CADM1: variants seen among roughly 807,000 people sequenced by gnomAD.
CADM1 encodes the protein TSLC-1.
A neutral mutation model predicts 53.1 loss-of-function variants in CADM1; 15 were observed. The ratio of observed to expected loss-of-function variants is 0.28; its 90% CI spans 0.19 to 0.44. The LOEUF (loss-of-function observed/expected upper bound fraction) is 0.44. CADM1 is among the 20% of genes least tolerant of loss of function. The pLI is 1.00. For synonymous variants in CADM1, 281 were observed against 243.0 expected (o/e 1.16, Z -1.45); for missense variants, 434 against 611.3 (o/e 0.71, Z 3.06).
intron 1 of CADM1, among the ~76,000 whole-genome samples, chr11:115,370,353 C>A (rs528673390): frequency 2.0e-5 from 3 of 152,108 alleles, no homozygotes; most frequent in Non-Finnish European, 4.4e-5. Flanking sequence ...TGTTTGTATC[C>A]GCCCAAAATT....
chr11:115,340,645 TATATATATATATA>T (rs376328490), intron 1 of CADM1, among the ~76,000 whole-genome samples: 14 of 35,050 alleles, frequency 4.0e-4, no homozygotes, highest in African/African-American at 9.8e-4. Flanking sequence ...TATATATATA[TATATATATATATA>T]TTTTTTTTTT....
At chr11:115,177,142 G>A (rs1939073679) in intron 11 of CADM1, among the ~76,000 whole-genome samples, 1 of 152,182 alleles carries the variant, frequency 6.6e-6, no homozygotes, top group African/African-American at 2.4e-5. Context: ...TGATTTTCCT[G>A]TCTTCCACTT....
chr11:115,357,416 G>C (rs751174596), intron 1 of CADM1, among the ~76,000 whole-genome samples: 1 of 152,156 alleles, frequency 6.6e-6, no homozygotes, highest in Non-Finnish European at 1.5e-5. Context: ...GCTAGGAAGT[G>C]AGTCTTATAT....
chr11:115,338,875 T>C (rs1256343185), intron 1 of CADM1, among the ~76,000 whole-genome samples: 3 of 87,406 alleles, frequency 3.4e-5, no homozygotes, highest in Non-Finnish European at 4.8e-5. Flanking sequence ...TTTATTTTTT[T>C]TATTTTTTTT....
intron 1 of CADM1, among the ~76,000 whole-genome samples, chr11:115,298,763 C>T (rs763816595): frequency 3.9e-5 from 6 of 152,196 alleles, no homozygotes; most frequent in Non-Finnish European, 8.8e-5. Flanking sequence ...TCCCAACACA[C>T]TTTAATTAGC....
chr11:115,347,120 G>A (rs1945600290), intron 1 of CADM1, among the ~76,000 whole-genome samples: 1 of 152,148 alleles, frequency 6.6e-6, no homozygotes, highest in African/African-American at 2.4e-5. Context: ...CAACGCTCCA[G>A]GATAGACTGC....
chr11:115,410,124 G>T (rs1947423461), intron 1 of CADM1, among the ~76,000 whole-genome samples: 1 of 152,166 alleles, frequency 6.6e-6, no homozygotes, highest in Non-Finnish European at 1.5e-5. Context: ...CCAGAACACT[G>T]AATACAACAT....
chr11:115,371,203 A>C (rs1946298159), intron 1 of CADM1, among the ~76,000 whole-genome samples: 1 of 152,156 alleles, frequency 6.6e-6, no homozygotes, highest in Non-Finnish European at 1.5e-5. Flanking sequence ...TTTAATTTTT[A>C]AAAGATAAAT....
chr11:115,362,865 C>A (rs1209535881), intron 1 of CADM1, among the ~76,000 whole-genome samples: 1 of 152,086 alleles, frequency 6.6e-6, no homozygotes, highest in Non-Finnish European at 1.5e-5. Context: ...TTTACAAATC[C>A]AATGTAGATA....
At chr11:115,382,608 A>C (rs1330133419) in intron 1 of CADM1, among the ~76,000 whole-genome samples, 1 of 152,170 alleles carries the variant, frequency 6.6e-6, no homozygotes, top group Admixed American at 6.5e-5. Context: ...AAGTCCTTGT[A>C]TAGTGGCATG....
At position 115,175,331 on chromosome 11, in the gene CADM1, T is replaced by C. The variant is rs1460673846; in HGVS notation, c.*1143A>G. 61 of 981,586 alleles carry C rather than the reference T, an allele frequency of 6.2e-5. No individual in the cohort carries two copies. The highest frequency in any genetic ancestry group is 7.0e-5 in the Non-Finnish European group (58 of 828,912). 60.8% of individuals were successfully genotyped at this position (981,586 alleles called of 1,614,324 possible). A position where few individuals can be genotyped will look rare whatever the true frequency, so the allele number is the denominator to read the frequency against. ...CATGACAAATATCTGTAATATACAG[T>C]ACATGCAGGCCACATCCTACTGCCT... On this transcript the variant is annotated 3_prime_UTR_variant, in exon 12 of 12. Coordinates refer to ENST00000331581, the MANE Select transcript of CADM1 (RefSeq NM_001301043.2).
chr11:115,208,279 TAAGGG>T (rs1394972104), intron 8 of CADM1, among the ~76,000 whole-genome samples: 1 of 152,204 alleles, frequency 6.6e-6, no homozygotes, highest in Non-Finnish European at 1.5e-5. Context: ...CTGGCTTCCT[TAAGGG>T]TTCTTTTTTC....
intron 9 of CADM1, among the ~76,000 whole-genome samples, chr11:115,193,269 T>C (rs1486148493): frequency 5.9e-5 from 9 of 152,242 alleles, no homozygotes; most frequent in Admixed American, 1.3e-4. Context: ...TTTCATATCA[T>C]CCATTAAGGC....
chr11:115,203,927 C>A (rs955413697), intron 8 of CADM1, among the ~76,000 whole-genome samples: 1 of 152,082 alleles, frequency 6.6e-6, no homozygotes, highest in Non-Finnish European at 1.5e-5. Flanking sequence ...GGAGTAAAAA[C>A]TTGAAAAGGT....
At chr11:115,276,333 A>G (rs1943442910) in intron 1 of CADM1, among the ~76,000 whole-genome samples, 1 of 152,200 alleles carries the variant, frequency 6.6e-6, no homozygotes, top group Non-Finnish European at 1.5e-5. Context: ...AATAGGCACC[A>G]TCAGGATTAG....
intron 1 of CADM1, among the ~76,000 whole-genome samples, chr11:115,441,123 G>GA (rs547635466): frequency 0.013 from 1,806 of 141,674 alleles, 36 homozygotes; most frequent in African/African-American, 0.041. Context: ...TTTCTTCTGG[G>GA]AAAAAAAAAA....
chr11:115,293,836 T>A (rs1943974570), intron 1 of CADM1, among the ~76,000 whole-genome samples: 1 of 152,202 alleles, frequency 6.6e-6, no homozygotes, highest in Admixed American at 6.5e-5. Context: ...AGAAGCAAAC[T>A]TTTTATTTCT....
chr11:115,216,553 G>A (rs555706678), intron 6 of CADM1, among the ~76,000 whole-genome samples: 1 of 152,290 alleles, frequency 6.6e-6, no homozygotes, highest in East Asian at 1.9e-4. Context: ...CAAAAAGAAA[G>A]ATCTGAATCT....
intron 7 of CADM1, among the ~76,000 whole-genome samples, chr11:115,210,501 A>C (rs926443304): frequency 1.3e-5 from 2 of 152,198 alleles, no homozygotes. Flanking sequence ...TTTGGAGACA[A>C]GGGAGGGGCA....
Sources: allele counts gnomAD v4.1 joint callset (sites outside exome capture counted in the v4.1 genomes callset), GRCh38; gene constraint gnomAD v4.1.1; transcripts MANE v1.5; gene names NCBI Gene and HGNC (gene_info 2026-07-23, HGNC 2026-07-21).